The following PDLIM5 variants were observed in gnomAD, a reference collection of about 807,000 sequenced individuals.
PDLIM5 encodes PDZ and LIM domain 5, also known as PDZ and LIM domain protein 5.
Under a neutral mutation model 64.2 loss-of-function variants are expected in PDLIM5, and 34 were observed. The observed-to-expected ratio is 0.53, with a 90% CI of 0.40 to 0.71. The LOEUF is 0.71. PDLIM5 is among the 30% of genes least tolerant of loss of function. The pLI, the probability that PDLIM5 is intolerant of heterozygous loss-of-function variation, is 0.00. For synonymous variants in PDLIM5, 253 were observed against 269.1 expected (o/e 0.94, Z 0.59); for missense variants, 683 against 733.6 (o/e 0.93, Z 0.80).
chr4:94,632,779 C>T (rs1740260857), intron 8 of PDLIM5, among the ~76,000 whole-genome samples: 2 of 152,122 alleles, frequency 1.3e-5, no homozygotes, highest in African/African-American at 4.8e-5. Context: ...GAAAACAATT[C>T]AACCCATGCT....
intron 11 of PDLIM5, among the ~76,000 whole-genome samples, chr4:94,658,572 A>G (rs879880400): frequency 2.0e-5 from 3 of 152,236 alleles, no homozygotes; most frequent in Admixed American, 6.5e-5. Context: ...CTTGAAATTC[A>G]AAGCTCTGTG....
intron 2 of PDLIM5, among the ~76,000 whole-genome samples, chr4:94,514,451 C>T (rs1267667882): frequency 6.6e-6 from 1 of 152,046 alleles, no homozygotes; most frequent in Non-Finnish European, 1.5e-5. Context: ...GCAGTATTTT[C>T]TGGAGGATTT....
chr4:94,625,743 G>A (rs1739642479), intron 8 of PDLIM5, among the ~76,000 whole-genome samples: 4 of 152,290 alleles, frequency 2.6e-5, no homozygotes, highest in African/African-American at 7.2e-5. Flanking sequence ...GTGAGCCACT[G>A]CGCCCGGCCA....
At chr4:94,497,273 T>C (rs1406614387) in intron 2 of PDLIM5, among the ~76,000 whole-genome samples, 1 of 152,236 alleles carries the variant, frequency 6.6e-6, no homozygotes, top group African/African-American at 2.4e-5. Flanking sequence ...AGGGCATGTC[T>C]TAACAGTAAT....
chr4:94,618,079 C>CCCAA lies in PDLIM5; in HGVS notation c.999_1002dup (p.Ser335AsnfsTer67), dbSNP rs1738931070. ...GGAGCATGCCCGAGAGCCTGGACAGCCCAACCTCTGGCAGACCAGGGGTTA... is the reference window on the plus strand; with the variant it reads ...GGAGCATGCCCGAGAGCCTGGACAGCCCAACCAACCTCTGGCAGACCAGGGGTTA... On this transcript the variant is annotated frameshift_variant, in exon 8 of 13. Transcript: ENST00000317968. LOFTEE classifies it high-confidence loss of function. 6.2e-7 allele frequency: 1 copy of CCCAA among 1,611,870 alleles called. No homozygotes were observed. The highest frequency in any genetic ancestry group is 1.3e-5 in the African/African-American group (1 of 74,786).
In PDLIM5 at chr4:94,499,756, C is replaced by T. The variant is rs567400530; in HGVS notation, c.97-23968C>T. 1.2e-4 allele frequency among the ~76,000 whole-genome samples: 18 copies of T among 152,254 alleles called. 1 individual carries two copies. The highest frequency in any genetic ancestry group is 3.4e-4 in the African/African-American group (14 of 41,514). ...TGAGTGAGCATTACCACCTGAGCTC[C>T]GCCTCCTGTCAGACCAGCAGTGGCA... On this transcript the variant is annotated intron_variant, in intron 2 of 12. Transcript: ENST00000317968.
chr4:94,599,609 G>A (rs1306191435), intron 7 of PDLIM5, among the ~76,000 whole-genome samples: 1 of 152,162 alleles, frequency 6.6e-6, no homozygotes, highest in Non-Finnish European at 1.5e-5. Context: ...TATCATTAAA[G>A]TGAAGAAATC....
chr4:94,504,028 CTG>C (rs1728164095), intron 2 of PDLIM5, among the ~76,000 whole-genome samples: 1 of 152,122 alleles, frequency 6.6e-6, no homozygotes. Context: ...AATCAGAATT[CTG>C]TTTGGCTAGG....
At chr4:94,490,707 T>C (rs980815187) in intron 2 of PDLIM5, among the ~76,000 whole-genome samples, 6 of 152,176 alleles carry the variant, frequency 3.9e-5, no homozygotes, top group Admixed American at 6.5e-5. Flanking sequence ...AAAATTGTTG[T>C]GGCTCCTCTG....
chr4:94,568,266 C>G (rs1045636249), intron 3 of PDLIM5, among the ~76,000 whole-genome samples: 1 of 152,180 alleles, frequency 6.6e-6, no homozygotes, highest in African/African-American at 2.4e-5. Context: ...TAGGTTTTGT[C>G]TGTGTCTTTC....
chr4:94,644,465 T>C (rs1243314046), intron 9 of PDLIM5, among the ~76,000 whole-genome samples: 1 of 152,102 alleles, frequency 6.6e-6, no homozygotes, highest in Non-Finnish European at 1.5e-5. Context: ...AAGATATATA[T>C]TTAAGCCTGA....
chr4:94,647,491 G>A (rs930862351), intron 9 of PDLIM5, among the ~76,000 whole-genome samples: 4 of 151,966 alleles, frequency 2.6e-5, no homozygotes, highest in Non-Finnish European at 4.4e-5. Context: ...ATCAAAATAA[G>A]TGAAATAAAA....
chr4:94,643,749 G>T (rs1741186661), intron 9 of PDLIM5, among the ~76,000 whole-genome samples: 2 of 152,118 alleles, frequency 1.3e-5, no homozygotes, highest in Non-Finnish European at 2.9e-5. Flanking sequence ...GTTTGTTCCA[G>T]TGAGAGAAAA....
chr4:94,582,580 A>G (rs1046574030), intron 5 of PDLIM5: 29 of 590,600 alleles, frequency 4.9e-5, no homozygotes, highest in Non-Finnish European at 7.6e-5. Flanking sequence ...ACTGAAAATC[A>G]TTGTTTTGAA....
intron 2 of PDLIM5, among the ~76,000 whole-genome samples, chr4:94,483,295 C>A (rs1726035842): frequency 6.6e-6 from 1 of 152,006 alleles, no homozygotes; most frequent in Non-Finnish European, 1.5e-5. Context: ...CTAAAACAAA[C>A]TTAAAAATTT....
At chr4:94,663,529 G>T (rs564184716) in intron 12 of PDLIM5, among the ~76,000 whole-genome samples, 20 of 152,236 alleles carry the variant, frequency 1.3e-4, no homozygotes, top group African/African-American at 4.6e-4. Flanking sequence ...AAAAAAAAAG[G>T]GTCTCAGGTA....
At chr4:94,619,639 C>CA (rs11345528) in intron 8 of PDLIM5, among the ~76,000 whole-genome samples, 110 of 143,638 alleles carry the variant, frequency 7.7e-4, no homozygotes, top group Non-Finnish European at 9.1e-4. Flanking sequence ...GACTCCATCT[C>CA]AAAAAAAAAA....
chr4:94,585,751 T>A lies in PDLIM5; in HGVS notation c.883+14T>A. ...GGACTGAACATTGTAAGTGAACTTCTAGGTATCCTAATGGATGAATGTTTT... is the reference window on the plus strand; with the variant it reads ...GGACTGAACATTGTAAGTGAACTTCAAGGTATCCTAATGGATGAATGTTTT... On this transcript the variant is annotated intron_variant, in intron 6 of 12. Transcript: ENST00000317968. 6.2e-7 allele frequency: 1 copy of A among 1,603,908 alleles called. No homozygotes were observed. Among genetic ancestry groups the A allele is most frequent in the Non-Finnish European group, 8.5e-7 (1 of 1,171,404 alleles).
intron 2 of PDLIM5, among the ~76,000 whole-genome samples, chr4:94,491,802 T>C (rs1390444075): frequency 1.3e-5 from 2 of 152,148 alleles, no homozygotes; most frequent in Non-Finnish European, 2.9e-5. Context: ...TCTATACTTA[T>C]GGAGTACAAT....
Sources: allele counts gnomAD v4.1 joint callset (sites outside exome capture counted in the v4.1 genomes callset), GRCh38; gene constraint gnomAD v4.1.1; transcripts MANE v1.5; gene names NCBI Gene and HGNC (gene_info 2026-07-23, HGNC 2026-07-21).